MACROD2: variants seen among roughly 807,000 people sequenced by gnomAD.
MACROD2 encodes the protein ADP-ribose glycohydrolase MACROD2.
A neutral mutation model predicts 70.4 loss-of-function variants in MACROD2; 36 were observed. The observed-to-expected ratio is 0.51, with a 90% CI of 0.39 to 0.68. The LOEUF is 0.68. Ranked by LOEUF, MACROD2 falls within the 30% of genes least tolerant of loss-of-function variation. The pLI, the probability that MACROD2 is intolerant of heterozygous loss-of-function variation, is 0.00. For missense variants in MACROD2, 496 were observed against 538.4 expected (o/e 0.92, Z 0.78); for synonymous variants, 172 against 178.8 (o/e 0.96, Z 0.30).
In MACROD2 at chr20:14,594,947, C is replaced by T. The variant is rs138150343; in HGVS notation, c.302-89896C>T. Among the ~76,000 whole-genome samples the T allele has an allele frequency of 1.3e-4, 20 of 152,222 alleles. No homozygotes were observed. In the East Asian group the frequency reaches 3.5e-3, roughly 26 times the overall value. ...AAGAAAAGTTATCAACCCCAAATTT[C>T]ACTGCCATTATTTCACCATACACTT... On this transcript the variant is annotated intron_variant, in intron 4 of 17. Transcript: ENST00000684519.
At chr20:14,150,988 T>C (rs1298193858) in intron 3 of MACROD2, among the ~76,000 whole-genome samples, 1 of 152,192 alleles carries the variant, frequency 6.6e-6, no homozygotes, top group Non-Finnish European at 1.5e-5. Context: ...CTTAAAAGCA[T>C]AAGGCCAGTA....
intron 8 of MACROD2, among the ~76,000 whole-genome samples, chr20:15,738,400 A>G (rs2051056769): frequency 6.6e-6 from 1 of 152,226 alleles, no homozygotes; most frequent in Non-Finnish European, 1.5e-5. Flanking sequence ...AGGCAGTGTC[A>G]CAGAAGCTGA....
At chr20:15,638,952 A>AG (rs1427427859) in intron 8 of MACROD2, among the ~76,000 whole-genome samples, 5 of 152,226 alleles carry the variant, frequency 3.3e-5, no homozygotes, top group African/African-American at 1.2e-4. Context: ...TGATCTCAGC[A>AG]GTCAGGATGT....
At chr20:14,954,763 T>TAAATAAATATATAAATAAA (rs1267489369) in intron 5 of MACROD2, among the ~76,000 whole-genome samples, 1 of 48,610 alleles carries the variant, frequency 2.1e-5, no homozygotes, top group Non-Finnish European at 3.9e-5. Context: ...TATAAATAAA[T>TAAATAAATATATAAATAAA]TTTATATAAC....
At chr20:15,232,707 A>G (rs2076969496) in intron 6 of MACROD2, among the ~76,000 whole-genome samples, 1 of 152,074 alleles carries the variant, frequency 6.6e-6, no homozygotes, top group South Asian at 2.1e-4. Flanking sequence ...TGAACACCAG[A>G]ACTCTAGACA....
intron 12 of MACROD2, among the ~76,000 whole-genome samples, 183 bp downstream of exon 12, chr20:15,937,727 ATT>A (rs1316378837): frequency 2.4e-4 from 4 of 16,946 alleles, no homozygotes; most frequent in African/African-American, 5.1e-4. Flanking sequence ...TGTATAGAAA[ATT>A]TATATATATA....
At chr20:14,749,399 AAAGG>A in intron 5 of MACROD2, among the ~76,000 whole-genome samples, 1 of 152,166 alleles carries the variant, frequency 6.6e-6, no homozygotes, top group South Asian at 2.1e-4. Context: ...GAAAAACAGA[AAAGG>A]AAGGAAGTAA....
intron 3 of MACROD2, among the ~76,000 whole-genome samples, chr20:14,237,062 A>T (rs1307372036): frequency 1.3e-5 from 2 of 152,152 alleles, no homozygotes; most frequent in African/African-American, 4.8e-5. Flanking sequence ...TTCCTGCTGG[A>T]TGGTTAGTCT....
chr20:14,239,681 A>C (rs2081911804), intron 3 of MACROD2, among the ~76,000 whole-genome samples: 1 of 152,178 alleles, frequency 6.6e-6, no homozygotes, highest in African/African-American at 2.4e-5. Flanking sequence ...ACAAAAATCA[A>C]CTCAAGATGG....
At chr20:14,653,557 T>C (rs1985806230) in intron 4 of MACROD2, among the ~76,000 whole-genome samples, 1 of 151,616 alleles carries the variant, frequency 6.6e-6, no homozygotes, top group South Asian at 2.1e-4. Flanking sequence ...GTTCTCCTTA[T>C]GTTGCCCAGG....
At chr20:14,287,470 G>A (rs1287761631) in intron 3 of MACROD2, among the ~76,000 whole-genome samples, 1 of 151,984 alleles carries the variant, frequency 6.6e-6, no homozygotes, top group Admixed American at 6.6e-5. Context: ...TATATATTTG[G>A]CACTGAGTTA....
intron 8 of MACROD2, among the ~76,000 whole-genome samples, chr20:15,838,094 C>G (rs1266031882): frequency 6.6e-6 from 1 of 152,082 alleles, no homozygotes; most frequent in Non-Finnish European, 1.5e-5. Flanking sequence ...CAGAGATCTA[C>G]TCAGGTTAAT....
At chr20:14,981,434 A>ATG (rs1232532402) in intron 5 of MACROD2, among the ~76,000 whole-genome samples, 1 of 52,146 alleles carries the variant, frequency 1.9e-5, no homozygotes, top group Non-Finnish European at 3.6e-5. Context: ...ATGTATATGT[A>ATG]TATATATATA....
intron 6 of MACROD2, among the ~76,000 whole-genome samples, chr20:15,420,189 G>A (rs2046208589): frequency 6.6e-6 from 1 of 152,092 alleles, no homozygotes; most frequent in South Asian, 2.1e-4. Context: ...TAAATTCATG[G>A]TGAAACTAAT....
chr20:15,525,821 G>C (rs2047713876), intron 8 of MACROD2, among the ~76,000 whole-genome samples: 2 of 151,982 alleles, frequency 1.3e-5, no homozygotes, highest in South Asian at 4.2e-4. Context: ...AATATCCTTT[G>C]CTCACACAAT....
intron 3 of MACROD2, among the ~76,000 whole-genome samples, chr20:14,090,370 C>T (rs1191310946): frequency 2.0e-5 from 3 of 151,878 alleles, no homozygotes; most frequent in Admixed American, 6.6e-5. Flanking sequence ...GTCAGGAGTT[C>T]GAGACCAGCC....
intron 3 of MACROD2, among the ~76,000 whole-genome samples, chr20:14,308,056 A>G (rs552165724): frequency 2.2e-4 from 33 of 152,264 alleles, no homozygotes; most frequent in African/African-American, 7.9e-4. Context: ...TTTCTCAGGA[A>G]CAGTCTGAGT....
rs1487981395 is a variant in MACROD2, at chr20:14,190,837, A to G, written c.271+105109A>G. Among the ~76,000 whole-genome samples the G allele has an allele frequency of 9.5e-5, 14 of 147,744 alleles. No individual in the cohort carries two copies. The East Asian group carries it at 2.9e-3, about 30-fold the overall frequency. On this transcript the variant is annotated intron_variant, in intron 3 of 17. Coordinates refer to ENST00000684519, the MANE Select transcript of MACROD2 (RefSeq NM_001351661.2). ...ATTCTCCTGCCTCAGCCTCCTGAGT[A>G]GCTGGGACTATAGGCGCCCGCCACT...
At chr20:14,668,710 C>T (rs374925527) in intron 4 of MACROD2, among the ~76,000 whole-genome samples, 14 of 152,110 alleles carry the variant, frequency 9.2e-5, no homozygotes, top group African/African-American at 3.1e-4. Context: ...TCATGCTGTT[C>T]GTATTTCAGT....
Sources: allele counts gnomAD v4.1 joint callset (sites outside exome capture counted in the v4.1 genomes callset), GRCh38; gene constraint gnomAD v4.1.1; transcripts MANE v1.5; gene names NCBI Gene and HGNC (gene_info 2026-07-23, HGNC 2026-07-21).